The following HACD2 variants were observed in gnomAD, a reference collection of about 807,000 sequenced individuals.
HACD2 encodes 3-hydroxyacyl-CoA dehydratase 2, also known as very-long-chain (3R)-3-hydroxyacyl-CoA dehydratase 2.
In HACD2, 15 loss-of-function variants were observed where a neutral mutation model predicts 31.0. The observed-to-expected ratio is 0.48, with a 90% CI of 0.32 to 0.75. The LOEUF (loss-of-function observed/expected upper bound fraction) is 0.75. Ranked by LOEUF, HACD2 falls within the 30% of genes least tolerant of loss-of-function variation. HACD2 has a pLI of 0.03. For synonymous variants in HACD2, 115 were observed against 122.2 expected, an observed-to-expected ratio of 0.94 and a Z score of 0.39; for missense variants, 283 against 313.0, an observed-to-expected ratio of 0.90 and a Z score of 0.72.
rs780289617 is a variant in HACD2, at chr3:123,550,266, C to G, written c.292+17496G>C. 7.6e-4 allele frequency among the ~76,000 whole-genome samples: 115 copies of G among 152,134 alleles called. 1 individual carries two copies. Among genetic ancestry groups the G allele is most frequent in the African/African-American group, 1.7e-4 (7 of 41,432 alleles). On this transcript the variant is annotated intron_variant, in intron 3 of 6. Coordinates refer to ENST00000383657, the MANE Select transcript of HACD2 (RefSeq NM_198402.5). ...CTCAAATCCCCTAAAGGAAAAAGAACAGGCGCAGGATCAAGATTGGTATCT... is the reference window on the plus strand; with the variant it reads ...CTCAAATCCCCTAAAGGAAAAAGAAGAGGCGCAGGATCAAGATTGGTATCT...
chr3:123,498,428 G>A (rs562874065), intron 6 of HACD2, among the ~76,000 whole-genome samples: 2 of 152,310 alleles, frequency 1.3e-5, no homozygotes, highest in South Asian at 2.1e-4. Flanking sequence ...GTCCCCAACC[G>A]CCACCTGTTG....
chr3:123,535,601 G>A (rs1197650681), intron 3 of HACD2, among the ~76,000 whole-genome samples: 1 of 152,198 alleles, frequency 6.6e-6, no homozygotes, highest in Non-Finnish European at 1.5e-5. Context: ...GTTTATTAAT[G>A]AGCCAGATTT....
intron 6 of HACD2, among the ~76,000 whole-genome samples, chr3:123,497,623 A>C (rs2055849897): frequency 6.6e-6 from 1 of 152,166 alleles, no homozygotes; most frequent in Non-Finnish European, 1.5e-5. Flanking sequence ...CCTCCACCAT[A>C]ACCAATTTTC....
chr3:123,538,699 A>G (rs1446041296), intron 3 of HACD2, among the ~76,000 whole-genome samples: 1 of 152,232 alleles, frequency 6.6e-6, no homozygotes, highest in Non-Finnish European at 1.5e-5. Context: ...ACAGAAAAAT[A>G]ACTTAGTGTG....
At chr3:123,551,785 C>A (rs2056623388) in intron 3 of HACD2, among the ~76,000 whole-genome samples, 1 of 152,058 alleles carries the variant, frequency 6.6e-6, no homozygotes, top group Non-Finnish European at 1.5e-5. Context: ...CATTAAGCTA[C>A]AAGTAGTTAT....
At chr3:123,530,831 C>T (rs200403934) in intron 3 of HACD2, among the ~76,000 whole-genome samples, 4 of 152,152 alleles carry the variant, frequency 2.6e-5, no homozygotes, top group East Asian at 1.9e-4. Context: ...AGATTACAGG[C>T]GTGAGCCCCC....
intron 2 of HACD2, among the ~76,000 whole-genome samples, chr3:123,581,763 A>G (rs1373282776): frequency 6.6e-6 from 1 of 152,202 alleles, no homozygotes; most frequent in Admixed American, 6.5e-5. Flanking sequence ...CATTGCCCTT[A>G]ATGCAGGGAA....
At chr3:123,528,193 C>T (rs1051169314) in intron 4 of HACD2, among the ~76,000 whole-genome samples, 193 bp downstream of exon 4, 3 of 152,220 alleles carry the variant, frequency 2.0e-5, no homozygotes, top group African/African-American at 7.2e-5. Flanking sequence ...TTCTTTTTAA[C>T]AACACTGCAT....
intron 3 of HACD2, among the ~76,000 whole-genome samples, chr3:123,541,027 T>C (rs559820679): frequency 2.0e-4 from 30 of 152,268 alleles, no homozygotes; most frequent in Admixed American, 9.2e-4. Context: ...TCCCAGCACT[T>C]TGGGAGGCCA....
chr3:123,514,662 C>T (rs767901645), intron 4 of HACD2, among the ~76,000 whole-genome samples: 2 of 152,114 alleles, frequency 1.3e-5, no homozygotes, highest in Non-Finnish European at 2.9e-5. Flanking sequence ...CCCCAATCTA[C>T]CTCCCCATCA....
intron 4 of HACD2, among the ~76,000 whole-genome samples, chr3:123,524,305 A>C (rs1206036584): frequency 1.3e-5 from 2 of 152,232 alleles, no homozygotes; most frequent in Non-Finnish European, 2.9e-5. Flanking sequence ...TGGGTCCTGG[A>C]ATATGCGTTT....
intron 1 of HACD2, 142 bp from the exon 2 acceptor site, chr3:123,582,471 C>G (rs1342766146): frequency 3.9e-6 from 2 of 511,946 alleles, no homozygotes; most frequent in Non-Finnish European, 7.0e-6. Flanking sequence ...CGATAGCTCT[C>G]AAATGCCAAG....
intron 1 of HACD2, among the ~76,000 whole-genome samples, chr3:123,583,351 C>T (rs186949232): frequency 1.8e-4 from 27 of 152,256 alleles, no homozygotes; most frequent in African/African-American, 6.5e-4. Context: ...CCTCTCCAGT[C>T]CAATGCCCTC....
chr3:123,528,522 C>G lies in HACD2; in HGVS notation c.293-48G>C, dbSNP rs74327584. On this transcript the variant is annotated intron_variant, in intron 3 of 6. Coordinates refer to ENST00000383657, the MANE Select transcript of HACD2 (RefSeq NM_198402.5). Reference sequence around the variant, plus strand: ...TAAATAAATGTACTGTACTAAGTTTCGATATATAATATATTTTCTAAAACA... The same window carrying G: ...TAAATAAATGTACTGTACTAAGTTTGGATATATAATATATTTTCTAAAACA... 2.6e-5 allele frequency: 28 copies of G among 1,078,410 alleles called. No homozygotes were observed. In the South Asian group the frequency reaches 3.5e-4, roughly 14 times the overall value. 66.8% of individuals were successfully genotyped at this position (1,078,410 alleles called of 1,614,324 possible).
chr3:123,495,369 G>T (rs553213577), intron 6 of HACD2, among the ~76,000 whole-genome samples: 7 of 152,282 alleles, frequency 4.6e-5, no homozygotes, highest in African/African-American at 1.4e-4. Context: ...AAGAATTTGA[G>T]CCCCAGAGAG....
chr3:123,560,180 G>A (rs73200042), intron 3 of HACD2, among the ~76,000 whole-genome samples: 27,930 of 152,164 alleles, frequency 0.18, 2,712 homozygotes, highest in African/African-American at 0.2. Context: ...GTCTGGAGGG[G>A]AGCAGGGAAC....
At chr3:123,534,662 G>C (rs1426939995) in intron 3 of HACD2, among the ~76,000 whole-genome samples, 1 of 152,016 alleles carries the variant, frequency 6.6e-6, no homozygotes, top group African/African-American at 2.4e-5. Flanking sequence ...CCTTCAGGAG[G>C]TATTCCAGAA....
At chr3:123,577,312 C>T (rs1159657257) in intron 2 of HACD2, among the ~76,000 whole-genome samples, 4 of 152,076 alleles carry the variant, frequency 2.6e-5, no homozygotes, top group Admixed American at 2.6e-4. Context: ...AGAGGCATAT[C>T]CAATCATGAG....
rs1357895092 is a variant in HACD2, at chr3:123,528,368, G to C, written c.381+18C>G. On this transcript the variant is annotated intron_variant, in intron 4 of 6. Coordinates refer to ENST00000383657, the MANE Select transcript of HACD2 (RefSeq NM_198402.5). ...GTTTGTTAGTGTTGACATTATTTTGGTCTATATAAACACTTACCTCTTTGA... is the reference window on the plus strand; with the variant it reads ...GTTTGTTAGTGTTGACATTATTTTGCTCTATATAAACACTTACCTCTTTGA... 1 of 1,451,076 alleles carries C rather than the reference G, an allele frequency of 6.9e-7. No individual in the cohort carries two copies. The highest frequency in any genetic ancestry group is 1.1e-5 in the South Asian group (1 of 87,274). The allele number at this position is 1,451,076 out of a possible 1,614,324, so 89.9% of individuals were successfully genotyped here. A position where few individuals can be genotyped will look rare whatever the true frequency, so the allele number is the denominator to read the frequency against.
Sources: gnomAD v4.1 joint callset for allele counts (sites outside exome capture counted in the v4.1 genomes callset) on GRCh38, gnomAD v4.1.1 for gene constraint, MANE v1.5 for transcripts, NCBI Gene and HGNC (gene_info 2026-07-23, HGNC 2026-07-21) for gene names.